PRR16: variants seen among roughly 807,000 people sequenced by gnomAD.
The protein encoded by PRR16 is proline rich 16, also known as protein Largen.
A neutral mutation model predicts 18.2 loss-of-function variants in PRR16; 6 were observed. The ratio of observed to expected loss-of-function variants is 0.33; its 90% CI spans 0.18 to 0.65. The LOEUF (loss-of-function observed/expected upper bound fraction) is 0.65, where lower values mean the gene tolerates loss of function less well. Ranked by LOEUF, PRR16 falls within the 30% of genes least tolerant of loss-of-function variation. PRR16 has a pLI of 0.74. For synonymous variants in PRR16, 151 were observed against 147.8 expected (o/e 1.02, Z -0.16); for missense variants, 412 against 376.6 (o/e 1.09, Z -0.78).
intron 1 of PRR16, among the ~76,000 whole-genome samples, chr5:120,667,309 A>G (rs1756421445): frequency 6.7e-6 from 1 of 148,600 alleles, no homozygotes; most frequent in Non-Finnish European, 1.5e-5. Context: ...TATCCCCTTT[A>G]TCATTTTTTA....
intron 1 of PRR16, among the ~76,000 whole-genome samples, chr5:120,527,563 A>T (rs1488407591): frequency 2.0e-5 from 3 of 152,194 alleles, no homozygotes; most frequent in African/African-American, 7.2e-5. Context: ...TGAGTTATGG[A>T]GTGAGAAGTA....
At chr5:120,614,292 TG>T (rs1195968033) in intron 1 of PRR16, among the ~76,000 whole-genome samples, 1 of 152,194 alleles carries the variant, frequency 6.6e-6, no homozygotes, top group Non-Finnish European at 1.5e-5. Flanking sequence ...ATCTTCTTAT[TG>T]GAAGAATAAG....
chr5:120,486,745 G>A (rs1022912653), intron 1 of PRR16, among the ~76,000 whole-genome samples: 1 of 152,118 alleles, frequency 6.6e-6, no homozygotes, highest in African/African-American at 2.4e-5. Flanking sequence ...GAATGGTATT[G>A]CCTAGGTTTT....
At chr5:120,583,431 T>A (rs1205710567) in intron 1 of PRR16, among the ~76,000 whole-genome samples, 1 of 151,894 alleles carries the variant, frequency 6.6e-6, no homozygotes, top group Non-Finnish European at 1.5e-5. Context: ...TAGAAAACAA[T>A]GAGCCACATT....
chr5:120,634,294 A>T (rs1347910196), intron 1 of PRR16, among the ~76,000 whole-genome samples: 2 of 152,174 alleles, frequency 1.3e-5, no homozygotes, highest in African/African-American at 4.8e-5. Context: ...AACCTCTGAG[A>T]TATAGCAAAA....
the PRR16 span, among the ~76,000 whole-genome samples, chr5:120,756,577 G>T: frequency 6.6e-6 from 1 of 151,720 alleles, no homozygotes; most frequent in Non-Finnish European, 1.5e-5. Context: ...CATGTTTATT[G>T]GTTGCCTGTA....
chr5:120,717,040 A>T, the PRR16 span, among the ~76,000 whole-genome samples: 1 of 152,154 alleles, frequency 6.6e-6, no homozygotes, highest in African/African-American at 2.4e-5. Context: ...GTGAATTTAC[A>T]ATCTAACAAT....
At chr5:120,653,700 AT>A (rs1755869572) in intron 1 of PRR16, among the ~76,000 whole-genome samples, 1 of 151,756 alleles carries the variant, frequency 6.6e-6, no homozygotes, top group South Asian at 2.1e-4. Context: ...TTAAAAAAAA[AT>A]AGAACAAAGT....
the PRR16 span, among the ~76,000 whole-genome samples, chr5:120,729,170 AT>A: frequency 2.0e-5 from 3 of 152,114 alleles, no homozygotes; most frequent in Non-Finnish European, 4.4e-5. Context: ...GGCAGGACAA[AT>A]GTGAACATGT....
chr5:120,638,873 A>G (rs915031234), intron 1 of PRR16, among the ~76,000 whole-genome samples: 3 of 152,148 alleles, frequency 2.0e-5, no homozygotes, highest in African/African-American at 7.2e-5. Context: ...TGGCCCCAAT[A>G]TAATGAATCA....
At chr5:120,606,730 T>A (rs921490738) in intron 1 of PRR16, among the ~76,000 whole-genome samples, 9 of 151,968 alleles carry the variant, frequency 5.9e-5, no homozygotes, top group Admixed American at 5.9e-4. Context: ...TAGTGAGACC[T>A]CATCTCTGCA....
intron 1 of PRR16, among the ~76,000 whole-genome samples, chr5:120,558,237 T>C (rs1455438557): frequency 2.0e-5 from 3 of 151,902 alleles, no homozygotes; most frequent in South Asian, 4.1e-4. Flanking sequence ...CTAGGTCTTA[T>C]TCATTTTTCT....
chr5:120,759,177 C>T, the PRR16 span, among the ~76,000 whole-genome samples: 28 of 151,948 alleles, frequency 1.8e-4, no homozygotes, highest in South Asian at 6.2e-4. Context: ...AGGGTTTCAC[C>T]GTGTTAGCCA....
At chr5:120,554,001 A>C (rs1160381717) in intron 1 of PRR16, among the ~76,000 whole-genome samples, 1 of 151,960 alleles carries the variant, frequency 6.6e-6, no homozygotes, top group Non-Finnish European at 1.5e-5. Context: ...AACATTTTTT[A>C]AAATTAGTTA....
chr5:120,607,591 A>G (rs1754195748), intron 1 of PRR16, among the ~76,000 whole-genome samples: 2 of 152,076 alleles, frequency 1.3e-5, no homozygotes, highest in Admixed American at 6.6e-5. Context: ...AATCATTTCC[A>G]TGGTTGATCT....
the PRR16 span, among the ~76,000 whole-genome samples, chr5:120,694,908 C>T: frequency 6.6e-6 from 1 of 152,086 alleles, no homozygotes; most frequent in African/African-American, 2.4e-5. Context: ...AAAAAAATAT[C>T]TAGGTTTGTG....
the PRR16 span, among the ~76,000 whole-genome samples, chr5:120,724,758 G>A: frequency 6.6e-6 from 1 of 151,890 alleles, no homozygotes; most frequent in African/African-American, 2.4e-5. Context: ...CTAGCACAAC[G>A]TCTCAGGGCA....
chr5:120,742,707 C>G, the PRR16 span, among the ~76,000 whole-genome samples: 1 of 152,112 alleles, frequency 6.6e-6, no homozygotes, highest in Non-Finnish European at 1.5e-5. Flanking sequence ...TTACCACAAA[C>G]TCTGTGGCTT....
At chr5:120,511,278 C>T (rs1750816356) in intron 1 of PRR16, among the ~76,000 whole-genome samples, 1 of 152,140 alleles carries the variant, frequency 6.6e-6, no homozygotes, top group African/African-American at 2.4e-5. Flanking sequence ...AAAGTTTTGT[C>T]TGTCACTGGG....
Sources: gnomAD v4.1 joint callset for allele counts (sites outside exome capture counted in the v4.1 genomes callset) on GRCh38, gnomAD v4.1.1 for gene constraint, MANE v1.5 for transcripts, NCBI Gene and HGNC (gene_info 2026-07-23, HGNC 2026-07-21) for gene names.